APOBEC3A: variants seen among roughly 807,000 people sequenced by gnomAD.
APOBEC3A encodes apolipoprotein B mRNA editing enzyme catalytic subunit 3A, also known as DNA dC->dU-editing enzyme APOBEC-3A.
In APOBEC3A, 13 loss-of-function variants were observed where a neutral mutation model predicts 23.0. The ratio of observed to expected loss-of-function variants is 0.57; its 90% CI spans 0.37 to 0.90. The LOEUF is 0.90. Ranked by LOEUF, APOBEC3A falls within the 40% of genes least tolerant of loss-of-function variation. APOBEC3A has a pLI of 0.01. For missense variants in APOBEC3A, 179 were observed against 264.9 expected (o/e 0.68, Z 2.25); for synonymous variants, 74 against 101.3 (o/e 0.73, Z 1.62).
Position 38,962,740 on chromosome 22 carries a change from C to T in APOBEC3A, c.*231C>T, listed in dbSNP as rs1167824369. The T allele has an allele frequency of 3.6e-5, 40 of 1,096,450 alleles. 3 individuals carry two copies. In the South Asian group the frequency reaches 4.5e-4, roughly 12 times the overall value. The allele number at this position is 1,096,450 out of a possible 1,614,324, so 67.9% of individuals were successfully genotyped here. A position where few individuals can be genotyped will look rare whatever the true frequency, so the allele number is the denominator to read the frequency against. On this transcript the variant is annotated 3_prime_UTR_variant, in exon 5 of 5. Transcript: ENST00000249116. The stretch of plus-strand genomic sequence containing the variant: ...TTTGGAGGCCAAGGCGGGTGGATCA[C>T]GAGGTCAGGAGATCGAGACCATCCT...
rs1922991448 is a variant in APOBEC3A, at chr22:38,963,154, T to C, written c.*645T>C. 6.6e-6 allele frequency: 1 copy of C among 152,548 alleles called. No homozygotes were observed. Among genetic ancestry groups the C allele is most frequent in the Non-Finnish European group, 1.4e-5 (1 of 69,720 alleles). 9.4% of individuals were successfully genotyped at this position (152,548 alleles called of 1,614,324 possible). A position where few individuals can be genotyped will look rare whatever the true frequency, so the allele number is the denominator to read the frequency against. ...TAATTGCTTTTGCTCAGTAACTGTG[T>C]CATGAATTGCAAGAGTTTCCACAAA... On this transcript the variant is annotated 3_prime_UTR_variant, in exon 5 of 5. Transcript: ENST00000249116.
rs1922989831 is a variant in APOBEC3A at position 38,963,105 on chromosome 22, T to C, written c.*596T>C. On this transcript the variant is annotated 3_prime_UTR_variant, in exon 5 of 5. Coordinates refer to ENST00000249116, the MANE Select transcript of APOBEC3A (RefSeq NM_145699.4). ...TGATAATTTGGCTTCATATCTAGAC[T>C]AACACAAAATTAAGAATCTTCCATA... 1 of 154,048 alleles carries C rather than the reference T, an allele frequency of 6.5e-6. No individual in the cohort carries two copies. The allele number at this position is 154,048 out of a possible 1,614,324, so 9.5% of individuals were successfully genotyped here.
rs1922916160 is a variant in APOBEC3A, at chr22:38,961,992, G to A, written c.470-106G>A. The A allele has an allele frequency of 9.8e-6, 14 of 1,429,918 alleles. No individual in the cohort carries two copies. In the South Asian group the frequency reaches 1.8e-4, roughly 18 times the overall value. The allele number at this position is 1,429,918 out of a possible 1,614,324, so 88.6% of individuals were successfully genotyped here. On this transcript the variant is annotated intron_variant, in intron 3 of 4. Transcript: ENST00000249116. ...CCCTAGGGGAGGGAGAGGGAAAGGAGGGACTGAAACCAGGATGTGGGAAGT... is the reference window on the plus strand; with the variant it reads ...CCCTAGGGGAGGGAGAGGGAAAGGAAGGACTGAAACCAGGATGTGGGAAGT...
chr22:38,958,534 A>G (rs1303367097), intron 1 of APOBEC3A, among the ~76,000 whole-genome samples: 6 of 75,426 alleles, frequency 8.0e-5, no homozygotes, highest in Non-Finnish European at 8.2e-5. Context: ...TCTTTCTTTT[A>G]CTTCCTTCCT....
chr22:38,959,367 T>C (rs113819742), intron 1 of APOBEC3A, among the ~76,000 whole-genome samples, 175 bp from the exon 2 acceptor site: 3,080 of 151,692 alleles, frequency 0.02, 106 homozygotes, highest in African/African-American at 0.072. Flanking sequence ...GCTGCAGTGA[T>C]CTCCCAGTGA....
In APOBEC3A at chr22:38,959,646, C is replaced by T. The variant is rs774349464; in HGVS notation, c.134C>T (p.Ser45Leu). 104 of 1,613,978 alleles carry T rather than the reference C, an allele frequency of 6.4e-5. No individual in the cohort carries two copies. Among genetic ancestry groups the T allele is most frequent in the East Asian group, 1.8e-4 (8 of 44,896 alleles). The change falls in exon 2 of 5, where the codon TCG becomes TTG. Residue 45 changes from serine to leucine, a missense_variant. By Grantham distance (145) the Ser-to-Leu change is moderately radical. Around this residue, in one of 5 missense-constraint regions of APOBEC3A, gnomAD observed 87 missense variants for 74.5 expected, o/e 1.17. Transcript: ENST00000249116. ...GTGGAGCGCCTGGACAATGGCACCT[C>T]GGTCAAGATGGACCAGCACAGGGGC... is the stretch of plus-strand genomic sequence containing the variant. ...YEVERLDNGT[S>L]VKMDQHRGFL...
intron 1 of APOBEC3A, among the ~76,000 whole-genome samples, chr22:38,958,117 C>G (rs1226973645): frequency 6.6e-6 from 1 of 152,186 alleles, no homozygotes; most frequent in East Asian, 1.9e-4. Flanking sequence ...TCTCGTTCTC[C>G]CTAATATTAA....
chr22:38,962,511 G>A lies in APOBEC3A; in HGVS notation c.*2G>A, dbSNP rs749941784. 6 of 1,593,652 alleles carry A rather than the reference G, an allele frequency of 3.8e-6. No individual in the cohort carries two copies. The Admixed American group carries it at 8.9e-5, about 24-fold the overall frequency. On this transcript the variant is annotated 3_prime_UTR_variant, in exon 5 of 5. Transcript: ENST00000249116. ...CTCTTCCAGAATCAGGGAAACTGAA[G>A]GATGGGCCTCAGTCTCTAAGGAAGG... is the stretch of plus-strand genomic sequence containing the variant.
In APOBEC3A at chr22:38,961,843, T is replaced by C. The variant is rs189459077; in HGVS notation, c.469+162T>C. 1.4e-4 allele frequency among the ~76,000 whole-genome samples: 21 copies of C among 151,994 alleles called. 2 individuals carry two copies. The highest frequency in any genetic ancestry group is 4.8e-4 in the African/African-American group (20 of 41,338). The stretch of plus-strand genomic sequence containing the variant: ...AAGAGAGAGGCCAGGCCAGGAGATG[T>C]GGGCCCAGGGAGGGCAGGGAGAGTG... On this transcript the variant is annotated intron_variant, in intron 3 of 4. Transcript: ENST00000249116.
chr22:38,960,257 A>C (rs555805582), intron 2 of APOBEC3A, among the ~76,000 whole-genome samples: 2 of 152,304 alleles, frequency 1.3e-5, no homozygotes, highest in African/African-American at 4.8e-5. Context: ...AGACCAGGTA[A>C]TGCTTGGCTC....
At chr22:38,960,648 G>C (rs540777443) in intron 2 of APOBEC3A, among the ~76,000 whole-genome samples, 41 of 152,322 alleles carry the variant, frequency 2.7e-4, no homozygotes, top group African/African-American at 7.2e-4. Flanking sequence ...TCCCACGTTG[G>C]AGTGAGTCCT....
At position 38,962,744 on chromosome 22, in the gene APOBEC3A, G is replaced by A. The variant is rs1185399191; in HGVS notation, c.*235G>A. The A allele has an allele frequency of 7.5e-5, 80 of 1,064,094 alleles. 2 individuals carry two copies. Among genetic ancestry groups the A allele is most frequent in the Non-Finnish European group, 9.8e-5 (75 of 766,694 alleles). 65.9% of individuals were successfully genotyped at this position (1,064,094 alleles called of 1,614,324 possible). A position where few individuals can be genotyped will look rare whatever the true frequency, so the allele number is the denominator to read the frequency against. ...GAGGCCAAGGCGGGTGGATCACGAGGTCAGGAGATCGAGACCATCCTGGCT... is the reference window on the plus strand; with the variant it reads ...GAGGCCAAGGCGGGTGGATCACGAGATCAGGAGATCGAGACCATCCTGGCT... On this transcript the variant is annotated 3_prime_UTR_variant, in exon 5 of 5. Coordinates refer to ENST00000249116, the MANE Select transcript of APOBEC3A (RefSeq NM_145699.4).
Position 38,957,621 on chromosome 22 carries a change from C to T in APOBEC3A, c.-71C>T. ...ATCCTAAGAGAATGTTGGTGAAGAT[C>T]TTAACACCACGCCTTGAGCAAGTCG... On this transcript the variant is annotated 5_prime_UTR_variant, in exon 1 of 5. Transcript: ENST00000249116. 4 of 1,576,224 alleles carry T rather than the reference C, an allele frequency of 2.5e-6. No homozygotes were observed. The highest frequency in any genetic ancestry group is 3.5e-6 in the Non-Finnish European group (4 of 1,156,062).
intron 2 of APOBEC3A, 80 bp from the exon 3 acceptor site, chr22:38,961,307 C>T: frequency 2.2e-6 from 2 of 922,250 alleles, no homozygotes; most frequent in Non-Finnish European, 3.1e-6. Flanking sequence ...CTGGAGGCCC[C>T]CGCCTCCCCA....
intron 2 of APOBEC3A, 100 bp downstream of exon 2, chr22:38,959,786 T>C: frequency 6.8e-7 from 1 of 1,462,488 alleles, no homozygotes; most frequent in Non-Finnish European, 9.2e-7. Flanking sequence ...CCTGCAGTGT[T>C]TGTCACTTGT....
chr22:38,962,017 T>A, intron 3 of APOBEC3A, 81 bp from the exon 4 acceptor site: 1 of 1,521,964 alleles, frequency 6.6e-7, no homozygotes. Flanking sequence ...ATGTGGGAAG[T>A]CTGTCCTGAG....
At chr22:38,958,331 TTTC>T (rs1293864316) in intron 1 of APOBEC3A, among the ~76,000 whole-genome samples, 12 of 151,232 alleles carry the variant, frequency 7.9e-5, no homozygotes, top group Middle Eastern at 3.4e-3. Flanking sequence ...TCTCTCTTTC[TTTC>T]TTCTTTCTTT....
chr22:38,959,508 TTCC>T, intron 1 of APOBEC3A, 31 bp from the exon 2 acceptor site: 1 of 1,606,820 alleles, frequency 6.2e-7, no homozygotes. Context: ...AGGAGGGCTC[TTCC>T]TCCTCTGGTC....
Position 38,959,668 on chromosome 22 carries a change from G to A in APOBEC3A, c.156G>A (p.Arg52=), listed in dbSNP as rs1922783356. 1.9e-6 allele frequency: 3 copies of A among 1,613,670 alleles called. No homozygotes were observed. Among genetic ancestry groups the A allele is most frequent in the Non-Finnish European group, 2.5e-6 (3 of 1,179,894 alleles). Residue 52 remains arginine (R), a synonymous_variant, in exon 2 of 5, where the codon AGG becomes AGA. Coordinates refer to ENST00000249116, the MANE Select transcript of APOBEC3A (RefSeq NM_145699.4). ...NGTSVKMDQH[R]GFLHNQAKNL... is the part of the protein sequence containing the mutation. ...CCTCGGTCAAGATGGACCAGCACAGGGGCTTTCTACACAACCAGGTGACCG... is the reference window on the plus strand; with the variant it reads ...CCTCGGTCAAGATGGACCAGCACAGAGGCTTTCTACACAACCAGGTGACCG...
Sources: gnomAD v4.1 joint callset for allele counts (sites outside exome capture counted in the v4.1 genomes callset) on GRCh38, gnomAD v4.1.1 for gene constraint, gnomAD v4.1.1 regional missense constraint, MANE v1.5 for transcripts, NCBI Gene and HGNC (gene_info 2026-07-23, HGNC 2026-07-21) for gene names.